Variants in RNF157 observed in about 807,000 individuals in gnomAD.
The protein encoded by RNF157 is E3 ubiquitin ligase RNF157.
RNF157 carries 55 observed loss-of-function variants against 88.3 expected under a neutral mutation model. The observed-to-expected ratio is 0.62, with a 90% CI of 0.50 to 0.78. RNF157 has a LOEUF of 0.78. Among genes scored for constraint, RNF157 ranks in the 30% least tolerant of loss-of-function variants. The pLI is 0.00. For synonymous variants in RNF157, 334 were observed against 341.2 expected, an observed-to-expected ratio of 0.98 and a Z score of 0.23; for missense variants, 788 against 860.8, an observed-to-expected ratio of 0.92 and a Z score of 1.06.
intron 1 of RNF157, among the ~76,000 whole-genome samples, chr17:76,230,894 A>AAAG (rs2070179971): frequency 7.0e-6 from 1 of 142,468 alleles, no homozygotes; most frequent in Non-Finnish European, 1.5e-5. Flanking sequence ...GAAAGAGAGA[A>AAAG]AGAGAGAGAG....
In RNF157 at chr17:76,158,400, A is replaced by T. The variant is rs1301495788; in HGVS notation, c.1406T>A (p.Leu469His). ...GAGAGGAATGTCAATTACCTCTCCGAGATGCTGAACCGACGGTCTCTGAGA... is the reference window on the plus strand; with the variant it reads ...GAGAGGAATGTCAATTACCTCTCCGTGATGCTGAACCGACGGTCTCTGAGA... ...QLSQRPSVQHLGEECGVTPES... is the reference protein window; with the variant it reads ...QLSQRPSVQHHGEECGVTPES... The change falls in exon 13 of 19, where the codon CTC becomes CAC. Residue 469 changes from leucine to histidine, a missense_variant. Leu to His is a moderately conservative substitution (Grantham distance 99). Transcript: ENST00000269391. The T allele has an allele frequency of 6.2e-7, 1 of 1,610,600 alleles. No individual in the cohort carries two copies. Among genetic ancestry groups the T allele is most frequent in the South Asian group, 1.1e-5 (1 of 91,014 alleles).
intron 1 of RNF157, among the ~76,000 whole-genome samples, chr17:76,224,829 C>G (rs543288803): frequency 5.3e-5 from 8 of 152,094 alleles, no homozygotes; most frequent in Non-Finnish European, 1.0e-4. Context: ...TAGCCCAGCC[C>G]ATGGGGCGTG....
intron 1 of RNF157, among the ~76,000 whole-genome samples, chr17:76,239,491 C>T (rs1488957164): frequency 6.6e-6 from 1 of 152,180 alleles, no homozygotes; most frequent in African/African-American, 2.4e-5. Flanking sequence ...ATCCGAGTAA[C>T]TCTGATACTC....
chr17:76,179,117 G>A (rs1306771198), intron 2 of RNF157, among the ~76,000 whole-genome samples: 1 of 152,198 alleles, frequency 6.6e-6, no homozygotes, highest in African/African-American at 2.4e-5. Flanking sequence ...ATCCTGGCCG[G>A]GCACAGTAGC....
intron 16 of RNF157, 122 bp downstream of exon 16, chr17:76,155,130 T>C (rs2068742175): frequency 2.5e-6 from 2 of 793,326 alleles, no homozygotes; most frequent in Admixed American, 2.0e-5. Context: ...GATCTAGGCA[T>C]GTCCCCTAGG....
Position 76,146,305 on chromosome 17 carries a change from CTG to C in RNF157, c.1922-954_1922-953del, listed in dbSNP as rs2068584597. The C allele has an allele frequency of 4.1e-6, 4 of 979,676 alleles. No individual in the cohort carries two copies. The highest frequency in any genetic ancestry group is 4.9e-6 in the Non-Finnish European group (4 of 824,720). The allele number at this position is 979,676 out of a possible 1,614,324, so 60.7% of individuals were successfully genotyped here. ...CATGCGTACTGACCTCACGGGCTTGCTGTGAGGACTAGATGAGAGAATGCGAG... is the reference window on the plus strand; with the variant it reads ...CATGCGTACTGACCTCACGGGCTTGCTGAGGACTAGATGAGAGAATGCGAG... On this transcript the variant is annotated intron_variant, in intron 18 of 18. Coordinates refer to ENST00000269391, the MANE Select transcript of RNF157 (RefSeq NM_052916.3). This position sits in a 1 kb window ranked among gnomAD's most constrained non-coding sequence, Gnocchi z 4.2.
At chr17:76,166,681 A>C (rs575766927) in intron 5 of RNF157, among the ~76,000 whole-genome samples, 154 bp from the exon 6 acceptor site, 25 of 152,304 alleles carry the variant, frequency 1.6e-4, no homozygotes, top group Admixed American at 1.4e-3. Flanking sequence ...TTGTTAACTG[A>C]GGGCCATCAG....
chr17:76,207,006 T>C (rs2069691914), intron 2 of RNF157, among the ~76,000 whole-genome samples: 1 of 152,008 alleles, frequency 6.6e-6, no homozygotes, highest in African/African-American at 2.4e-5. Context: ...TTACAAAGAG[T>C]TTAATGGTAA....
At position 76,143,907 on chromosome 17, in the gene RNF157, G is replaced by A. The variant is rs568778007; in HGVS notation, c.*1328C>T. On this transcript the variant is annotated 3_prime_UTR_variant, in exon 19 of 19. Coordinates refer to ENST00000269391, the MANE Select transcript of RNF157 (RefSeq NM_052916.3). The stretch of plus-strand genomic sequence containing the variant: ...TGCCTCAGCCTCCCGAGTAGCTGGG[G>A]AGGGCCCTTGAAGTGAAGGCCCTGA... The A allele has an allele frequency of 6.6e-6, 1 of 151,676 alleles. No individual in the cohort carries two copies. The highest frequency in any genetic ancestry group is 2.1e-4 in the South Asian group (1 of 4,786). The allele number at this position is 151,676 out of a possible 1,614,324, so 9.4% of individuals were successfully genotyped here. A position where few individuals can be genotyped will look rare whatever the true frequency, so the allele number is the denominator to read the frequency against.
chr17:76,175,663 C>A, intron 2 of RNF157: 1 of 624,544 alleles, frequency 1.6e-6, no homozygotes, highest in Non-Finnish European at 2.0e-6. Context: ...AAATAAATGA[C>A]TTTGGGATTA....
intron 14 of RNF157, 65 bp from the exon 15 acceptor site, chr17:76,155,799 G>A: frequency 7.4e-7 from 1 of 1,347,804 alleles, no homozygotes. Context: ...AGCTTTCTGG[G>A]GAGCAGAGCC....
At chr17:76,155,440 T>A in intron 15 of RNF157, 122 bp downstream of exon 15, 1 of 1,445,286 alleles carries the variant, frequency 6.9e-7, no homozygotes, top group Middle Eastern at 1.8e-4. Context: ...TGCCTTGTTT[T>A]CTGCAGCACT....
At chr17:76,152,901 A>AAAATAAGTACATGAAACAACAACT (rs2068702963) in intron 17 of RNF157, among the ~76,000 whole-genome samples, 1 of 152,206 alleles carries the variant, frequency 6.6e-6, no homozygotes, top group Non-Finnish European at 1.5e-5. Flanking sequence ...ATGGCTCTGC[A>AAAATAAGTACATGAAACAACAACT]AAATAAGTAC....
At chr17:76,239,238 T>C (rs2145096893) in intron 1 of RNF157, among the ~76,000 whole-genome samples, 1 of 152,288 alleles carries the variant, frequency 6.6e-6, no homozygotes, top group East Asian at 1.9e-4. Flanking sequence ...AAACACCGGC[T>C]AGGTCATGCA....
intron 2 of RNF157, among the ~76,000 whole-genome samples, chr17:76,189,241 T>C (rs1331317605): frequency 1.3e-5 from 2 of 152,216 alleles, no homozygotes; most frequent in African/African-American, 4.8e-5. Context: ...TGTGTTGCAG[T>C]TATGTAAGAT....
chr17:76,180,523 G>A (rs1293624514), intron 2 of RNF157, among the ~76,000 whole-genome samples: 1 of 152,116 alleles, frequency 6.6e-6, no homozygotes, highest in African/African-American at 2.4e-5. Context: ...CTATGTGCCA[G>A]GCATTATGCT....
intron 1 of RNF157, among the ~76,000 whole-genome samples, chr17:76,233,348 T>A (rs2070228111): frequency 6.6e-6 from 1 of 152,206 alleles, no homozygotes; most frequent in African/African-American, 2.4e-5. Flanking sequence ...CTTTTCAACT[T>A]TTTACTGTCT....
At position 76,159,541 on chromosome 17, in the gene RNF157, T is replaced by C; in HGVS notation, c.1098A>G (p.Val366=). Residue 366 remains valine, a synonymous_variant, in exon 12 of 19, where the codon GTA becomes GTG. Transcript: ENST00000269391. The stretch of plus-strand genomic sequence containing the variant: ...CGTTGAGGGCCTCCAGAAGAGATAC[T>C]ACTTCATAGCCTGGTGGAATATTCT... The part of the protein sequence containing the change: ...SSENIPPGYE[V]VSLLEALNGP... The C allele has an allele frequency of 6.3e-7, 1 of 1,599,146 alleles. No individual in the cohort carries two copies. The highest frequency in any genetic ancestry group is 8.5e-7 in the Non-Finnish European group (1 of 1,176,208).
At chr17:76,158,227 T>C (rs1312907987) in intron 13 of RNF157, among the ~76,000 whole-genome samples, 166 bp downstream of exon 13, 1 of 152,198 alleles carries the variant, frequency 6.6e-6, no homozygotes, top group East Asian at 1.9e-4. Context: ...ACAGGCTGCA[T>C]ACACTGTTGA....
Sources: gnomAD v4.1 joint callset for allele counts (sites outside exome capture counted in the v4.1 genomes callset) on GRCh38, gnomAD v4.1.1 for gene constraint, Gnocchi (gnomAD v3.1) non-coding constraint, MANE v1.5 for transcripts, NCBI Gene and HGNC (gene_info 2026-07-23, HGNC 2026-07-21) for gene names.